The following VMP1 variants were observed in gnomAD, a reference collection of about 807,000 sequenced individuals.
VMP1 encodes ectopic P-granules autophagy protein 3 homolog.
In VMP1, 11 loss-of-function variants were observed where a neutral mutation model predicts 56.0. That is an observed-to-expected ratio of 0.20 (90% CI 0.12 to 0.32). VMP1 has a LOEUF of 0.32. VMP1 is among the 10% of genes least tolerant of loss of function. VMP1 has a pLI of 1.00. For synonymous variants in VMP1, 149 were observed against 165.0 expected, an observed-to-expected ratio of 0.90 and a Z score of 0.74; for missense variants, 296 against 490.3, an observed-to-expected ratio of 0.60 and a Z score of 3.74.
Position 59,751,064 on chromosome 17 carries a change from C to T in VMP1, c.414+12117C>T, listed in dbSNP as rs1274194240. Among the ~76,000 whole-genome samples the T allele has an allele frequency of 4.0e-5, 6 of 151,430 alleles. No homozygotes were observed. In the East Asian group the frequency reaches 1.2e-3, roughly 30 times the overall value. On this transcript the variant is annotated intron_variant, in intron 5 of 11. Coordinates refer to ENST00000262291, the MANE Select transcript of VMP1 (RefSeq NM_030938.5). ...TCCCCTGCCTCAGCCTCCCGAGTAG[C>T]TGGGACTACAGGCGCCCACCACCAT...
At chr17:59,790,213 A>G (rs1228694266) in intron 7 of VMP1, among the ~76,000 whole-genome samples, 5 of 152,032 alleles carry the variant, frequency 3.3e-5, no homozygotes, top group Non-Finnish European at 7.4e-5. Flanking sequence ...CATTTTTGCT[A>G]TCTCAGGTCT....
chr17:59,838,568 A>C, intron 11 of VMP1, 171 bp downstream of exon 11: 1 of 636,754 alleles, frequency 1.6e-6, no homozygotes, highest in Non-Finnish European at 2.8e-6. Context: ...TTTGTCTTAG[A>C]CTAGAAAGTG....
intron 7 of VMP1, among the ~76,000 whole-genome samples, chr17:59,788,046 T>A (rs1050908423): frequency 6.6e-6 from 1 of 152,144 alleles, no homozygotes; most frequent in African/African-American, 2.4e-5. Flanking sequence ...TTTAAAAAAA[T>A]TATTTGTTTT....
At chr17:59,720,771 C>G (rs1253076012) in intron 1 of VMP1, among the ~76,000 whole-genome samples, 1 of 144,672 alleles carries the variant, frequency 6.9e-6, no homozygotes, top group African/African-American at 2.6e-5. Flanking sequence ...GTCAGGAGTT[C>G]CAGACCACCC....
At chr17:59,774,751 T>A (rs368938477) in intron 7 of VMP1, among the ~76,000 whole-genome samples, 20 of 152,152 alleles carry the variant, frequency 1.3e-4, no homozygotes, top group African/African-American at 4.8e-4. Context: ...GATAGAAACA[T>A]AGCTTACTGC....
In VMP1 at chr17:59,715,593, A is replaced by T. The variant is rs367977224; in HGVS notation, c.-27+7845A>T. On this transcript the variant is annotated intron_variant, in intron 1 of 11. Coordinates refer to ENST00000262291, the MANE Select transcript of VMP1 (RefSeq NM_030938.5). ...AGTTTAGGTGGGGACACAGAGCCAA[A>T]CCGTTTCAGGGGAAATTGACATAGT... 2.6e-5 allele frequency among the ~76,000 whole-genome samples: 4 copies of T among 152,178 alleles called. No individual in the cohort carries two copies. In the East Asian group the frequency reaches 5.8e-4, roughly 22 times the overall value.
At chr17:59,816,355 G>A (rs1481761696) in intron 9 of VMP1, among the ~76,000 whole-genome samples, 1 of 152,158 alleles carries the variant, frequency 6.6e-6, no homozygotes, top group Non-Finnish European at 1.5e-5. Flanking sequence ...TAGACCCCCT[G>A]CTTTTCTTCA....
chr17:59,803,885 A>G (rs1164391319), intron 7 of VMP1, among the ~76,000 whole-genome samples: 1 of 151,850 alleles, frequency 6.6e-6, no homozygotes, highest in Non-Finnish European at 1.5e-5. Context: ...CAGCTTTTTT[A>G]TTTTACTTGG....
chr17:59,825,651 A>G (rs1245979243), intron 10 of VMP1, among the ~76,000 whole-genome samples: 1 of 152,208 alleles, frequency 6.6e-6, no homozygotes, highest in Non-Finnish European at 1.5e-5. Context: ...GTTTTACCAC[A>G]CAAGAAAAGT....
At chr17:59,829,244 A>G (rs755071862) in intron 10 of VMP1, among the ~76,000 whole-genome samples, 65 of 152,164 alleles carry the variant, frequency 4.3e-4, no homozygotes, top group Non-Finnish European at 7.6e-4. Flanking sequence ...ATATGTGTTT[A>G]TTTTCAGTTA....
intron 7 of VMP1, among the ~76,000 whole-genome samples, chr17:59,788,689 C>T (rs1490588233): frequency 6.6e-6 from 1 of 151,366 alleles, no homozygotes; most frequent in Non-Finnish European, 1.5e-5. Flanking sequence ...TGCTTCTAGT[C>T]CCAGCTGCTT....
chr17:59,770,373 G>A (rs1378208121), intron 6 of VMP1, among the ~76,000 whole-genome samples: 1 of 152,096 alleles, frequency 6.6e-6, no homozygotes, highest in Admixed American at 6.6e-5. Flanking sequence ...AGTTCAGCTA[G>A]TATTAACTAA....
chr17:59,777,800 C>T (rs2036675480), intron 7 of VMP1, among the ~76,000 whole-genome samples: 1 of 150,584 alleles, frequency 6.6e-6, no homozygotes, highest in Non-Finnish European at 1.5e-5. Context: ...GGCGACACAG[C>T]AAGACTCCGT....
chr17:59,826,748 T>C (rs2038657266), intron 10 of VMP1, among the ~76,000 whole-genome samples: 2 of 152,314 alleles, frequency 1.3e-5, no homozygotes, highest in African/African-American at 4.8e-5. Context: ...CTGGAGTGGA[T>C]TGATTATCCT....
chr17:59,808,909 T>C (rs2144213348), intron 8 of VMP1, 33 bp downstream of exon 8: 1 of 1,567,366 alleles, frequency 6.4e-7, no homozygotes, highest in East Asian at 2.2e-5. Flanking sequence ...GAACTTTTAC[T>C]AAGTGGTAGT....
chr17:59,715,816 T>A (rs2034129627), intron 1 of VMP1, among the ~76,000 whole-genome samples: 1 of 152,192 alleles, frequency 6.6e-6, no homozygotes, highest in African/African-American at 2.4e-5. Context: ...TAGTCCAATT[T>A]TTATTCCAAG....
rs1343942792 is a variant in VMP1, at chr17:59,765,030, C to T, written c.474C>T (p.Pro158=). The T allele has an allele frequency of 1.3e-5, 21 of 1,613,214 alleles. No individual in the cohort carries two copies. The highest frequency in any genetic ancestry group is 4.0e-5 in the African/African-American group (3 of 74,864). ...AAYECNSVNF[P]EPPYPDQIIC... is the part of the protein sequence containing the mutation. The stretch of plus-strand genomic sequence containing the variant: ...ATGAATGCAATTCAGTTAATTTTCC[C>T]GAACCACCCTATCCTGATCAGATTA... The change falls in exon 6 of 12, where the codon CCC becomes CCT. Residue 158 remains proline, a synonymous_variant. Transcript: ENST00000262291.
At chr17:59,836,927 C>T (rs1043819375) in intron 10 of VMP1, among the ~76,000 whole-genome samples, 33 of 151,806 alleles carry the variant, frequency 2.2e-4, no homozygotes, top group African/African-American at 7.0e-4. Flanking sequence ...GAAGGCCAGT[C>T]GCGGTGGCTC....
Position 59,839,926 on chromosome 17 carries a change from A to C in VMP1, c.*15A>C. The C allele has an allele frequency of 2.5e-6, 4 of 1,607,962 alleles. No homozygotes were observed. The highest frequency in any genetic ancestry group is 3.4e-6 in the Non-Finnish European group (4 of 1,178,854). ...AAACTAAATAAGTAGAGAAAGTTTT[A>C]AACTGCAGAAATTGGAGTGGATGGG... On this transcript the variant is annotated 3_prime_UTR_variant, in exon 12 of 12. Transcript: ENST00000262291.
Sources: gnomAD v4.1 joint callset for allele counts (sites outside exome capture counted in the v4.1 genomes callset) on GRCh38, gnomAD v4.1.1 for gene constraint, MANE v1.5 for transcripts, NCBI Gene and HGNC (gene_info 2026-07-23, HGNC 2026-07-21) for gene names.